ADGRB3: variants seen among roughly 807,000 people sequenced by gnomAD.
The protein encoded by ADGRB3 is adhesion G protein-coupled receptor B3, also known as brain-specific angiogenesis inhibitor 3.
Under a neutral mutation model 193.4 loss-of-function variants are expected in ADGRB3, and 37 were observed. The observed-to-expected ratio is 0.19, with a 90% confidence interval of 0.15 to 0.25. ADGRB3 has a LOEUF of 0.25. Among genes scored for constraint, ADGRB3 ranks in the 10% least tolerant of loss-of-function variants. The pLI is 1.00. For synonymous variants in ADGRB3, 690 were observed against 644.2 expected (o/e 1.07, Z -1.08); for missense variants, 1,637 against 1,852.9 (o/e 0.88, Z 2.14).
chr6:69,214,217 G>A (rs182136188), intron 17 of ADGRB3, among the ~76,000 whole-genome samples: 7 of 152,216 alleles, frequency 4.6e-5, no homozygotes, highest in Admixed American at 1.3e-4. Flanking sequence ...TTGAAAACTC[G>A]TTAGTTCCCT....
At chr6:69,079,745 A>G (rs1419531910) in intron 17 of ADGRB3, among the ~76,000 whole-genome samples, 1 of 151,992 alleles carries the variant, frequency 6.6e-6, no homozygotes, top group Non-Finnish European at 1.5e-5. Context: ...TGGTGACTAC[A>G]TTTCCTGGAA....
chr6:69,312,117 G>C (rs1449028703), intron 20 of ADGRB3, among the ~76,000 whole-genome samples: 1 of 151,588 alleles, frequency 6.6e-6, no homozygotes, highest in Non-Finnish European at 1.5e-5. Context: ...ACTCCCCACA[G>C]GAATCTCACT....
chr6:68,817,305 ATGTATATAT>A (rs1562042253), intron 3 of ADGRB3, among the ~76,000 whole-genome samples: 2,682 of 43,342 alleles, frequency 0.062, 239 homozygotes, highest in Middle Eastern at 0.094. Context: ...CCTTTTGTCC[ATGTATATAT>A]ATATATATAT....
intron 10 of ADGRB3, among the ~76,000 whole-genome samples, chr6:68,979,108 G>GT (rs1554232231): frequency 6.9e-6 from 1 of 144,770 alleles, no homozygotes. Flanking sequence ...TGGACATTTG[G>GT]TTTTTTTCTT....
intron 3 of ADGRB3, among the ~76,000 whole-genome samples, chr6:68,695,689 C>T (rs770992239): frequency 1.3e-5 from 2 of 151,914 alleles, no homozygotes; most frequent in East Asian, 1.9e-4. Context: ...GAGTCCACAG[C>T]GAGTGAGACT....
intron 3 of ADGRB3, among the ~76,000 whole-genome samples, chr6:68,660,408 G>T (rs142589434): frequency 6.7e-6 from 1 of 149,410 alleles, no homozygotes; most frequent in South Asian, 2.1e-4. Context: ...TTCTCAGATC[G>T]CAGGGAAAAA....
At chr6:69,047,329 C>T (rs545197407) in intron 13 of ADGRB3, among the ~76,000 whole-genome samples, 1 of 151,608 alleles carries the variant, frequency 6.6e-6, no homozygotes, top group African/African-American at 2.4e-5. Flanking sequence ...ATAATCTAGA[C>T]ATGCTGGAGT....
At position 68,840,418 on chromosome 6, in the gene ADGRB3, T is replaced by C. The variant is rs1266519307; in HGVS notation, c.758-90141T>C. On this transcript the variant is annotated intron_variant, in intron 3 of 31. Transcript: ENST00000370598. ...TTTTTTTTTTTTTTTTGAGACAAGG[T>C]CTTTCTCTGTCACCTAGGCTGGAGT... Among the ~76,000 whole-genome samples, 3 of 110,786 alleles carry C rather than the reference T, an allele frequency of 2.7e-5. No homozygotes were observed. In the South Asian group the frequency reaches 1.0e-3, roughly 37 times the overall value. 72.7% of individuals were successfully genotyped at this position (110,786 alleles called of 152,430 possible).
At chr6:69,089,288 A>C (rs1030263658) in intron 17 of ADGRB3, among the ~76,000 whole-genome samples, 1 of 152,242 alleles carries the variant, frequency 6.6e-6, no homozygotes, top group Admixed American at 6.5e-5. Context: ...AACATGAGAT[A>C]TATATTGAGA....
chr6:69,019,105 C>T (rs1770184929), intron 13 of ADGRB3, among the ~76,000 whole-genome samples: 1 of 151,870 alleles, frequency 6.6e-6, no homozygotes, highest in Non-Finnish European at 1.5e-5. Context: ...TTATATTAAC[C>T]AAATGACACA....
intron 17 of ADGRB3, among the ~76,000 whole-genome samples, chr6:69,177,397 C>G (rs920047053): frequency 6.6e-6 from 1 of 151,948 alleles, no homozygotes; most frequent in Non-Finnish European, 1.5e-5. Context: ...TGCTCTGCCA[C>G]CTAGGCTAGA....
chr6:69,151,882 G>A (rs1333707901), intron 17 of ADGRB3, among the ~76,000 whole-genome samples: 1 of 152,096 alleles, frequency 6.6e-6, no homozygotes, highest in Non-Finnish European at 1.5e-5. Context: ...TTAATCCTGG[G>A]GGTGGTTATT....
intron 3 of ADGRB3, among the ~76,000 whole-genome samples, chr6:68,770,764 G>T (rs1185998035): frequency 6.6e-6 from 1 of 152,052 alleles, no homozygotes; most frequent in Non-Finnish European, 1.5e-5. Flanking sequence ...GCTAATGCTG[G>T]ATCCCATAGA....
At chr6:68,721,627 AATATATATAT>A (rs71852236) in intron 3 of ADGRB3, among the ~76,000 whole-genome samples, 5,188 of 140,240 alleles carry the variant, frequency 0.037, 303 homozygotes, top group African/African-American at 0.13. Flanking sequence ...AAGTATAATA[AATATATATAT>A]ATATATATAT....
At chr6:68,778,814 A>G (rs1398462397) in intron 3 of ADGRB3, among the ~76,000 whole-genome samples, 1 of 152,076 alleles carries the variant, frequency 6.6e-6, no homozygotes, top group Non-Finnish European at 1.5e-5. Flanking sequence ...CATCTGGTGG[A>G]GCACAGAAGG....
chr6:69,197,096 T>G (rs1411449608), intron 17 of ADGRB3, among the ~76,000 whole-genome samples: 1 of 152,080 alleles, frequency 6.6e-6, no homozygotes, highest in Admixed American at 6.6e-5. Flanking sequence ...TATCATTATA[T>G]TATTCATATT....
chr6:69,372,377 C>G, intron 29 of ADGRB3, 29 bp from the exon 30 acceptor site: 1 of 1,262,604 alleles, frequency 7.9e-7, no homozygotes, highest in Admixed American at 2.6e-5. Flanking sequence ...ATTGGTTTTT[C>G]TCCTTCTTTT....
rs1391165636 is a variant in ADGRB3 at position 68,956,273 on chromosome 6, C to A, written c.1360+85C>A. The A allele has an allele frequency of 4.5e-6, 6 of 1,338,582 alleles. No individual in the cohort carries two copies. The Admixed American group carries it at 1.7e-4, about 38-fold the overall frequency. The allele number at this position is 1,338,582 out of a possible 1,614,324, so 82.9% of individuals were successfully genotyped here. A position where few individuals can be genotyped will look rare whatever the true frequency, so the allele number is the denominator to read the frequency against. On this transcript the variant is annotated intron_variant, in intron 7 of 31. Coordinates refer to ENST00000370598, the MANE Select transcript of ADGRB3 (RefSeq NM_001704.3). ...ATGTGTCAGAACTATGCCAGAGGGT[C>A]ATGAAAGAAGATAATCATTATATAT...
intron 11 of ADGRB3, 95 bp downstream of exon 11, chr6:68,994,057 G>C: frequency 8.1e-7 from 1 of 1,240,860 alleles, no homozygotes; most frequent in Non-Finnish European, 1.1e-6. Flanking sequence ...AGGCGGACTG[G>C]AGGAAGATAA....
Sources: allele counts gnomAD v4.1 joint callset (sites outside exome capture counted in the v4.1 genomes callset), GRCh38; gene constraint gnomAD v4.1.1; transcripts MANE v1.5; gene names NCBI Gene and HGNC (gene_info 2026-07-23, HGNC 2026-07-21).